Variants in RPH3A observed in about 807,000 individuals in gnomAD.
RPH3A encodes the protein rabphilin 3A.
Under a neutral mutation model 102.2 loss-of-function variants are expected in RPH3A, and 48 were observed. The observed-to-expected ratio is 0.47, with a 90% CI of 0.37 to 0.60. The LOEUF (loss-of-function observed/expected upper bound fraction) is 0.60, where lower values mean the gene tolerates loss of function less well. Among genes scored for constraint, RPH3A ranks in the 20% least tolerant of loss-of-function variants. The pLI is 0.00. For missense variants in RPH3A, 781 were observed against 910.1 expected (o/e 0.86, Z 1.83); for synonymous variants, 310 against 324.3 (o/e 0.96, Z 0.47).
At chr12:112,613,652 T>C (rs1315886045) in intron 1 of RPH3A, among the ~76,000 whole-genome samples, 2 of 151,932 alleles carry the variant, frequency 1.3e-5, no homozygotes, top group African/African-American at 4.8e-5. Flanking sequence ...ACAAACAAAA[T>C]TAGCCAGGTG....
At chr12:112,873,596 T>C (rs1348520304) in intron 10 of RPH3A, among the ~76,000 whole-genome samples, 1 of 152,214 alleles carries the variant, frequency 6.6e-6, no homozygotes, top group Non-Finnish European at 1.5e-5. Flanking sequence ...GTTGATGGGC[T>C]TCAGGTGTGA....
intron 1 of RPH3A, among the ~76,000 whole-genome samples, chr12:112,737,760 C>T (rs906604134): frequency 1.3e-5 from 2 of 152,192 alleles, no homozygotes; most frequent in Non-Finnish European, 2.9e-5. Flanking sequence ...AAGAGTTTCC[C>T]TGGACCGAGT....
intron 3 of RPH3A, among the ~76,000 whole-genome samples, chr12:112,832,805 C>T (rs1007706130): frequency 3.9e-5 from 6 of 152,096 alleles, no homozygotes; most frequent in Admixed American, 6.5e-5. Flanking sequence ...ATTATGCCAC[C>T]ACACTCCAGC....
At chr12:112,678,277 GAAAGAAAGAAAGAAAGAAAGAA>G (rs1374641618) in intron 1 of RPH3A, among the ~76,000 whole-genome samples, 2,571 of 76,460 alleles carry the variant, frequency 0.034, 325 homozygotes, top group African/African-American at 0.15. Context: ...AAGAAAGAAA[GAAAGAAAGAAAGAAAGAAAGAA>G]AGAAAGAGAG....
intron 1 of RPH3A, among the ~76,000 whole-genome samples, chr12:112,711,926 G>A (rs553817555): frequency 2.0e-5 from 3 of 152,028 alleles, no homozygotes; most frequent in African/African-American, 4.8e-5. Context: ...TCTGCCTCCC[G>A]GGTTCAAGCA....
intron 1 of RPH3A, among the ~76,000 whole-genome samples, chr12:112,696,046 C>T (rs1338691654): frequency 1.3e-5 from 2 of 152,168 alleles, no homozygotes; most frequent in Non-Finnish European, 2.9e-5. Context: ...ACTTTGCATC[C>T]TCATAGCTTA....
intron 2 of RPH3A, among the ~76,000 whole-genome samples, chr12:112,811,003 C>T (rs566805880): frequency 7.9e-5 from 12 of 151,312 alleles, no homozygotes; most frequent in Admixed American, 2.0e-4. Context: ...AAAGAGAGAG[C>T]GAGAGGGAGT....
chr12:112,648,121 T>C (rs937224622), intron 1 of RPH3A, among the ~76,000 whole-genome samples: 17 of 152,206 alleles, frequency 1.1e-4, no homozygotes, highest in Non-Finnish European at 1.9e-4. Context: ...ACAACCACTG[T>C]TAATGTTTTA....
At chr12:112,859,731 A>G (rs1378665394) in intron 5 of RPH3A, among the ~76,000 whole-genome samples, 1 of 152,212 alleles carries the variant, frequency 6.6e-6, no homozygotes, top group East Asian at 1.9e-4. Context: ...CCAGGAATTC[A>G]CCAGCAGATT....
At chr12:112,824,864 C>T (rs575832590) in intron 2 of RPH3A, among the ~76,000 whole-genome samples, 4 of 152,268 alleles carry the variant, frequency 2.6e-5, no homozygotes, top group African/African-American at 9.6e-5. Context: ...CCAGATTCTG[C>T]CCTGAGGATG....
intron 1 of RPH3A, among the ~76,000 whole-genome samples, chr12:112,759,272 C>G (rs1396683125): frequency 6.6e-6 from 1 of 152,124 alleles, no homozygotes; most frequent in Non-Finnish European, 1.5e-5. Flanking sequence ...TATGAACATA[C>G]TGGCATATAT....
intron 10 of RPH3A, among the ~76,000 whole-genome samples, chr12:112,870,892 A>G (rs1223026743): frequency 6.6e-6 from 1 of 152,208 alleles, no homozygotes; most frequent in Non-Finnish European, 1.5e-5. Context: ...AAGTATTTAT[A>G]GAGTGTTTAC....
intron 1 of RPH3A, among the ~76,000 whole-genome samples, chr12:112,712,879 TTTCTTCTTC>T (rs374301306): frequency 3.7e-5 from 5 of 136,746 alleles, no homozygotes; most frequent in Admixed American, 7.2e-5. Context: ...CTCACTTTTT[TTTCTTCTTC>T]TTCTTCTTCT....
At chr12:112,639,667 C>T (rs1000510828) in intron 1 of RPH3A, among the ~76,000 whole-genome samples, 2 of 152,116 alleles carry the variant, frequency 1.3e-5, no homozygotes, top group African/African-American at 4.8e-5. Flanking sequence ...AGCCCCCCTC[C>T]CCCCACAAAG....
At chr12:112,694,699 G>A (rs927623926) in intron 1 of RPH3A, among the ~76,000 whole-genome samples, 9 of 150,994 alleles carry the variant, frequency 6.0e-5, no homozygotes, top group Non-Finnish European at 2.9e-5. Flanking sequence ...GAGAGAGAGA[G>A]AGATTCTGTT....
chr12:112,871,662 A>G (rs2042710490), intron 10 of RPH3A, among the ~76,000 whole-genome samples: 1 of 151,610 alleles, frequency 6.6e-6, no homozygotes, highest in South Asian at 2.1e-4. Flanking sequence ...ACTGGGCATA[A>G]ATTAAGAATA....
intron 1 of RPH3A, among the ~76,000 whole-genome samples, chr12:112,676,906 A>C (rs982326981): frequency 1.3e-5 from 2 of 152,186 alleles, no homozygotes; most frequent in Non-Finnish European, 2.9e-5. Flanking sequence ...TTGAGGAAGA[A>C]TGAGGGGCAA....
At chr12:112,802,913 G>A (rs1000069533) in intron 2 of RPH3A, among the ~76,000 whole-genome samples, 5 of 152,284 alleles carry the variant, frequency 3.3e-5, no homozygotes, top group Admixed American at 3.3e-4. Flanking sequence ...GAATAGATTG[G>A]TGAAAGCAGA....
At chr12:112,787,704 G>A (rs1277424259), upstream of RPH3A, among the ~76,000 whole-genome samples, 2 of 152,192 alleles carry the variant, frequency 1.3e-5, no homozygotes, top group African/African-American at 4.8e-5. Flanking sequence ...TGCTTTAGGA[G>A]TCTCAGTTTC....
Sources: allele counts gnomAD v4.1 joint callset (sites outside exome capture counted in the v4.1 genomes callset), GRCh38; gene constraint gnomAD v4.1.1; transcripts MANE v1.5; gene names NCBI Gene and HGNC (gene_info 2026-07-23, HGNC 2026-07-21).